The following CD82 variants were observed in gnomAD, a reference collection of about 807,000 sequenced individuals.
CD82 encodes CD82 molecule, also known as CD82 antigen.
CD82 carries 36 observed loss-of-function variants against 37.4 expected under a neutral mutation model. The ratio of observed to expected loss-of-function variants is 0.96; its 90% CI spans 0.74 to 1.27. The LOEUF (loss-of-function observed/expected upper bound fraction) is 1.27. Among genes scored for constraint, CD82 ranks in the 50% most tolerant of loss-of-function variants. CD82 has a pLI of 0.00. For synonymous variants in CD82, 158 were observed against 137.4 expected (o/e 1.15, Z -1.05); for missense variants, 340 against 347.0 (o/e 0.98, Z 0.16).
chr11:44,584,259 C>A (rs1853021536), intron 1 of CD82, among the ~76,000 whole-genome samples: 1 of 152,154 alleles, frequency 6.6e-6, no homozygotes. Flanking sequence ...TAGGAGGAAG[C>A]AGAGCTGGGA....
intron 6 of CD82, chr11:44,606,764 A>T (rs1274556443): frequency 6.6e-6 from 1 of 152,304 alleles, no homozygotes; most frequent in African/African-American, 2.4e-5. Context: ...GGAGAAGCAG[A>T]TGCTCTGAGA....
chr11:44,584,851 G>A (rs1327445931), intron 1 of CD82, among the ~76,000 whole-genome samples: 3 of 152,172 alleles, frequency 2.0e-5, no homozygotes, highest in South Asian at 2.1e-4. Flanking sequence ...GCCTCTTCCC[G>A]TGGGTGATCA....
intron 6 of CD82, among the ~76,000 whole-genome samples, chr11:44,610,535 G>A (rs1266660277): frequency 6.6e-6 from 1 of 152,222 alleles, no homozygotes; most frequent in African/African-American, 2.4e-5. Context: ...AGAAGTCAAA[G>A]CTCAGCATTT....
chr11:44,616,659 C>G (rs1223827971), intron 7 of CD82, among the ~76,000 whole-genome samples: 1 of 152,152 alleles, frequency 6.6e-6, no homozygotes, highest in Non-Finnish European at 1.5e-5. Flanking sequence ...GGCTACTGAC[C>G]CATGCCGTGT....
intron 6 of CD82, among the ~76,000 whole-genome samples, chr11:44,613,233 C>T (rs1565094905): frequency 6.6e-6 from 1 of 152,224 alleles, no homozygotes; most frequent in Non-Finnish European, 1.5e-5. Context: ...TCCAACCATG[C>T]ATTTGCCCTG....
At chr11:44,578,404 C>G (rs971025702) in intron 1 of CD82, among the ~76,000 whole-genome samples, 2 of 152,104 alleles carry the variant, frequency 1.3e-5, no homozygotes, top group African/African-American at 4.8e-5. Context: ...CATGCCTGGC[C>G]CCTGGGGACA....
At chr11:44,608,151 A>G (rs1172730426) in intron 6 of CD82, 1 of 152,204 alleles carries the variant, frequency 6.6e-6, no homozygotes, top group Non-Finnish European at 1.5e-5. Context: ...GTGGAAGACT[A>G]AACATACTCT....
intron 1 of CD82, among the ~76,000 whole-genome samples, chr11:44,571,466 G>A (rs1852813797): frequency 6.6e-6 from 1 of 152,194 alleles, no homozygotes; most frequent in Non-Finnish European, 1.5e-5. Flanking sequence ...CATCTCATAG[G>A]GTTGTTTGAG....
chr11:44,606,467 CAAAA>C (rs386373732), intron 6 of CD82: 8 of 104,930 alleles, frequency 7.6e-5, no homozygotes, highest in Non-Finnish European at 1.1e-4. Context: ...GACCCTGTCT[CAAAA>C]AAAAAAAAAA....
At chr11:44,613,877 G>A (rs770324198) in intron 6 of CD82, among the ~76,000 whole-genome samples, 4 of 152,188 alleles carry the variant, frequency 2.6e-5, no homozygotes, top group Middle Eastern at 3.4e-3. Flanking sequence ...TTGGAGCTCT[G>A]GGGCAAGTAG....
intron 4 of CD82, among the ~76,000 whole-genome samples, chr11:44,602,276 G>A (rs1018508125): frequency 4.6e-5 from 7 of 152,204 alleles, no homozygotes; most frequent in Admixed American, 6.5e-5. Flanking sequence ...CGGCGGTGCT[G>A]TCCACTAGCT....
At chr11:44,610,999 T>C (rs764208262) in intron 6 of CD82, among the ~76,000 whole-genome samples, 12 of 152,024 alleles carry the variant, frequency 7.9e-5, no homozygotes, top group African/African-American at 1.5e-4. Flanking sequence ...CAGGCCCAGC[T>C]AATTTTTGTG....
intron 2 of CD82, among the ~76,000 whole-genome samples, chr11:44,588,995 G>A (rs1853101328): frequency 6.6e-6 from 1 of 152,174 alleles, no homozygotes; most frequent in Non-Finnish European, 1.5e-5. Context: ...GGTGGCTCAC[G>A]CCTATAATCC....
At chr11:44,577,088 T>C (rs1054111559) in intron 1 of CD82, among the ~76,000 whole-genome samples, 1 of 152,100 alleles carries the variant, frequency 6.6e-6, no homozygotes, top group African/African-American at 2.4e-5. Flanking sequence ...ATCTTCGCTG[T>C]TGGCCAAGAA....
chr11:44,615,570 AGGCAG>A (rs1257485303), intron 7 of CD82, among the ~76,000 whole-genome samples, 197 bp downstream of exon 7: 2 of 152,186 alleles, frequency 1.3e-5, no homozygotes, highest in East Asian at 3.8e-4. Context: ...AGAGACTCAG[AGGCAG>A]CTTCACAGCT....
intron 1 of CD82, among the ~76,000 whole-genome samples, chr11:44,576,112 T>G (rs530039086): frequency 4.3e-4 from 66 of 152,348 alleles, no homozygotes; most frequent in African/African-American, 1.5e-3. Flanking sequence ...TAACGTGATC[T>G]TCTTCCAAGG....
chr11:44,605,248 G>A (rs1231996834), intron 5 of CD82, 66 bp downstream of exon 5: 2 of 1,606,792 alleles, frequency 1.2e-6, no homozygotes, highest in South Asian at 1.1e-5. Context: ...CAGCCTGACC[G>A]CGGCGCTGGC....
At chr11:44,586,327 G>A (rs969901676) in intron 1 of CD82, among the ~76,000 whole-genome samples, 7 of 152,044 alleles carry the variant, frequency 4.6e-5, no homozygotes, top group Non-Finnish European at 1.0e-4. Flanking sequence ...GCTTTCCAGG[G>A]CCTGTGACCT....
chr11:44,596,006 A>T (rs139462860), intron 3 of CD82, among the ~76,000 whole-genome samples: 1 of 151,918 alleles, frequency 6.6e-6, no homozygotes, highest in East Asian at 1.9e-4. Flanking sequence ...GCACCCGCAC[A>T]CAAGTGTTCA....
Sources: allele counts gnomAD v4.1 joint callset (sites outside exome capture counted in the v4.1 genomes callset), GRCh38; gene constraint gnomAD v4.1.1; transcripts MANE v1.5; gene names NCBI Gene and HGNC (gene_info 2026-07-23, HGNC 2026-07-21).